RUFY4: variants seen among roughly 807,000 people sequenced by gnomAD.
The protein encoded by RUFY4 is RUN and FYVE domain containing 4.
Under a neutral mutation model 69.0 loss-of-function variants are expected in RUFY4, and 73 were observed. The ratio of observed to expected loss-of-function variants is 1.06; its 90% confidence interval spans 0.88 to 1.29. RUFY4 has a LOEUF of 1.29. Among genes scored for constraint, RUFY4 ranks in the 50% most tolerant of loss-of-function variants. The probability of loss-of-function intolerance (pLI) is 0.00; values close to 1 mark genes in which losing one functional copy is unlikely to be tolerated. For synonymous variants in RUFY4, 287 were observed against 271.8 expected (o/e 1.06, Z -0.55); for missense variants, 770 against 705.6 (o/e 1.09, Z -1.03).
intron 10 of RUFY4, 158 bp from the exon 13 acceptor site, chr2:218,089,794 G>T (rs1398594534): frequency 1.4e-6 from 1 of 718,218 alleles, no homozygotes; most frequent in Non-Finnish European, 2.5e-6. Context: ...TCAGGAGAGG[G>T]GAGACCTCCT....
chr2:218,077,745 G>A (rs1349818409), intron 8 of RUFY4, among the ~76,000 whole-genome samples: 2 of 151,814 alleles, frequency 1.3e-5, no homozygotes, highest in Non-Finnish European at 2.9e-5. Flanking sequence ...CTGCTTCGCA[G>A]GTGAGAGAGG....
At chr2:218,045,415 G>A (rs1688804271) in intron 2 of RUFY4, among the ~76,000 whole-genome samples, 1 of 151,954 alleles carries the variant, frequency 6.6e-6, no homozygotes, top group African/African-American at 2.4e-5. Context: ...CAGGTAGGAA[G>A]AAAAAGATAA....
chr2:218,075,530 G>A (rs754359586), exon 7 of RUFY4: 4 of 1,552,078 alleles, frequency 2.6e-6, no homozygotes, highest in Non-Finnish European at 3.5e-6. Flanking sequence ...AGAGGCTGCT[G>A]ATGCCCAGCC....
intron 8 of RUFY4, among the ~76,000 whole-genome samples, chr2:218,079,444 TG>T: frequency 6.6e-6 from 1 of 152,152 alleles, no homozygotes; most frequent in Non-Finnish European, 1.5e-5. Context: ...TTAACTGAAG[TG>T]TGTGGGCTGT....
chr2:218,055,188 A>T (rs984889895), intron 2 of RUFY4, among the ~76,000 whole-genome samples: 4 of 152,196 alleles, frequency 2.6e-5, no homozygotes, highest in Non-Finnish European at 4.4e-5. Flanking sequence ...TGAACTCAGG[A>T]GTTCGAGATC....
At chr2:218,075,095 C>A in exon 7 of RUFY4, 2 of 1,521,614 alleles carry the variant, frequency 1.3e-6, no homozygotes, top group South Asian at 1.3e-5. Flanking sequence ...CTCCACAGAT[C>A]CCAGCCGCAT....
exon 1 of RUFY4, chr2:218,070,506 C>G (rs144456918): frequency 2.9e-6 from 3 of 1,029,256 alleles, no homozygotes; most frequent in Admixed American, 2.0e-5. Flanking sequence ...GTAGGCTCTG[C>G]GTCCTGCTTT....
At chr2:218,043,378 G>A (rs1404865202) in intron 2 of RUFY4, among the ~76,000 whole-genome samples, 1 of 152,012 alleles carries the variant, frequency 6.6e-6, no homozygotes, top group Non-Finnish European at 1.5e-5. Flanking sequence ...AGGAGGCCCT[G>A]GAGAAGGTAG....
intron 3 of RUFY4, 54 bp downstream of exon 5, chr2:218,072,553 TC>T: frequency 6.6e-7 from 1 of 1,525,028 alleles, no homozygotes; most frequent in Non-Finnish European, 8.8e-7. Flanking sequence ...GACATAGGCC[TC>T]CTCCTTTTCC....
intron 3 of RUFY4, among the ~76,000 whole-genome samples, chr2:218,062,552 C>T (rs1006702763): frequency 2.0e-5 from 3 of 151,732 alleles, no homozygotes; most frequent in Admixed American, 2.0e-4. Flanking sequence ...CTCTACTAAA[C>T]TACAAAAAAT....
At chr2:218,051,525 A>C (rs1331218678) in intron 2 of RUFY4, among the ~76,000 whole-genome samples, 2 of 151,442 alleles carry the variant, frequency 1.3e-5, no homozygotes, top group African/African-American at 2.4e-5. Flanking sequence ...GAAAAAGAGA[A>C]CGTTCTTGTC....
chr2:218,090,006 C>T (rs1689994335), exon 11 of RUFY4: 1 of 1,566,714 alleles, frequency 6.4e-7, no homozygotes, highest in South Asian at 1.2e-5. Context: ...AGAAGAGAGA[C>T]CGCTGCTGCC....
chr2:218,085,715 A>C (rs1689878439), intron 9 of RUFY4, among the ~76,000 whole-genome samples: 1 of 152,220 alleles, frequency 6.6e-6, no homozygotes. Flanking sequence ...TCCAGCACTC[A>C]GGGGCCTATC....
intron 7 of RUFY4, among the ~76,000 whole-genome samples, chr2:218,075,999 T>C (rs1689623117): frequency 2.0e-5 from 3 of 152,150 alleles, no homozygotes; most frequent in South Asian, 4.1e-4. Flanking sequence ...GCTTTGGAGT[T>C]TGAGATCCCT....
intron 2 of RUFY4, among the ~76,000 whole-genome samples, chr2:218,037,959 G>T (rs889185118): frequency 6.6e-6 from 1 of 152,118 alleles, no homozygotes; most frequent in African/African-American, 2.4e-5. Context: ...CTAAACTATG[G>T]CAAACAAAAT....
At chr2:218,053,346 CTT>C (rs35134006) in intron 2 of RUFY4, among the ~76,000 whole-genome samples, 11,248 of 135,094 alleles carry the variant, frequency 0.083, 1,264 homozygotes, top group African/African-American at 0.28. Context: ...GATATTAAAC[CTT>C]TTTTTTTTTT....
At chr2:218,042,251 A>G (rs890990782) in intron 2 of RUFY4, among the ~76,000 whole-genome samples, 3 of 152,212 alleles carry the variant, frequency 2.0e-5, no homozygotes, top group Non-Finnish European at 2.9e-5. Context: ...AAATAAATCA[A>G]TAAAGGAGGT....
chr2:218,084,255 G>A (rs1053911651), intron 9 of RUFY4, among the ~76,000 whole-genome samples: 6 of 150,926 alleles, frequency 4.0e-5, no homozygotes, highest in Non-Finnish European at 8.9e-5. Context: ...TTTTTTTAAC[G>A]GAGTCTCGCT....
At chr2:218,080,324 G>A (rs1021718806) in intron 8 of RUFY4, among the ~76,000 whole-genome samples, 4 of 152,220 alleles carry the variant, frequency 2.6e-5, no homozygotes, top group African/African-American at 9.6e-5. Flanking sequence ...GAAGTCCCGT[G>A]CAGAGCACAG....
Sources: allele counts gnomAD v4.1 joint callset (sites outside exome capture counted in the v4.1 genomes callset), GRCh38; gene constraint gnomAD v4.1.1; transcripts MANE v1.5; gene names NCBI Gene and HGNC (gene_info 2026-07-23, HGNC 2026-07-21).